TMTC2: variants seen among roughly 807,000 people sequenced by gnomAD.
TMTC2 encodes the protein protein O-mannosyl-transferase TMTC2.
Under a neutral mutation model 82.4 loss-of-function variants are expected in TMTC2, and 43 were observed. The observed-to-expected ratio is 0.52, with a 90% CI of 0.41 to 0.67. The LOEUF is 0.67. Among genes scored for constraint, TMTC2 ranks in the 30% least tolerant of loss-of-function variants. The pLI is 0.00. For synonymous variants in TMTC2, 408 were observed against 381.9 expected, an observed-to-expected ratio of 1.07 and a Z score of -0.80; for missense variants, 919 against 1,012.4, an observed-to-expected ratio of 0.91 and a Z score of 1.25.
intron 1 of TMTC2, among the ~76,000 whole-genome samples, chr12:82,784,222 A>T (rs569217212): frequency 6.6e-6 from 1 of 152,250 alleles, no homozygotes; most frequent in East Asian, 1.9e-4. Context: ...TGACAGAAAT[A>T]GAAGTTCCAG....
At position 82,986,014 on chromosome 12, in the gene TMTC2, C is replaced by T. The variant is rs1592675830; in HGVS notation, c.2038C>T (p.His680Tyr). The T allele has an allele frequency of 1.2e-6, 2 of 1,614,002 alleles. No individual in the cohort carries two copies. Among genetic ancestry groups the T allele is most frequent in the East Asian group, 2.2e-5 (1 of 44,868 alleles). ...ATCCAAGACTGACCACATCCCTGCT[C>T]ATCTCACCTATGGGAAGCTGCTAGC... Reference protein sequence around the residue: ...LRSKTDHIPAHLTYGKLLALT... With the variant: ...LRSKTDHIPAYLTYGKLLALT... The change falls in exon 8 of 12, where the codon CAT becomes TAT. Residue 680 changes from histidine (H) to tyrosine (Y), a missense_variant. Coordinates refer to ENST00000321196, the MANE Select transcript of TMTC2 (RefSeq NM_152588.3).
chr12:82,801,351 G>C (rs1305437213), intron 1 of TMTC2, among the ~76,000 whole-genome samples: 1 of 152,170 alleles, frequency 6.6e-6, no homozygotes, highest in African/African-American at 2.4e-5. Context: ...TAAAGACAGT[G>C]TGGACCCAAA....
intron 11 of TMTC2, among the ~76,000 whole-genome samples, chr12:83,085,059 G>A (rs904886708): frequency 6.6e-6 from 1 of 152,160 alleles, no homozygotes; most frequent in Admixed American, 6.5e-5. Context: ...TGTAGGGGTT[G>A]GTTGTGATTT....
intron 1 of TMTC2, among the ~76,000 whole-genome samples, chr12:82,787,143 A>G (rs1341333222): frequency 6.6e-6 from 1 of 152,040 alleles, no homozygotes; most frequent in African/African-American, 2.4e-5. Flanking sequence ...TCATATTTAT[A>G]TTTTCACTAT....
At chr12:83,034,279 A>G (rs1427169817) in intron 9 of TMTC2, among the ~76,000 whole-genome samples, 1 of 152,172 alleles carries the variant, frequency 6.6e-6, no homozygotes, top group East Asian at 1.9e-4. Context: ...TCTCTATGTT[A>G]ATCCAACTAT....
chr12:83,015,097 A>G (rs1345763378), intron 8 of TMTC2, among the ~76,000 whole-genome samples: 1 of 152,204 alleles, frequency 6.6e-6, no homozygotes, highest in African/African-American at 2.4e-5. Context: ...TTTTTATAAC[A>G]TATCAATGCT....
At chr12:83,029,740 C>G (rs112697582) in intron 8 of TMTC2, among the ~76,000 whole-genome samples, 1 of 151,924 alleles carries the variant, frequency 6.6e-6, no homozygotes, top group Non-Finnish European at 1.5e-5. Flanking sequence ...TTGTGCCATC[C>G]TTCTGTGTTA....
intron 1 of TMTC2, among the ~76,000 whole-genome samples, chr12:82,813,104 A>G (rs1196152227): frequency 6.6e-6 from 1 of 151,110 alleles, no homozygotes; most frequent in East Asian, 1.9e-4. Flanking sequence ...GTTTATCTGT[A>G]TCTCTTTCTT....
chr12:82,971,813 A>AC (rs1878460035), intron 7 of TMTC2, among the ~76,000 whole-genome samples: 1 of 151,232 alleles, frequency 6.6e-6, no homozygotes, highest in South Asian at 2.1e-4. Flanking sequence ...CTGTATGCAA[A>AC]AAAAAAAAAA....
At chr12:82,696,980 A>ATC (rs1872829738) in intron 1 of TMTC2, among the ~76,000 whole-genome samples, 1 of 150,862 alleles carries the variant, frequency 6.6e-6, no homozygotes, top group South Asian at 2.1e-4. Context: ...ATATATATAT[A>ATC]TATGTTTCTA....
intron 7 of TMTC2, among the ~76,000 whole-genome samples, chr12:82,981,942 G>T (rs974071102): frequency 1.3e-5 from 2 of 150,444 alleles, no homozygotes; most frequent in African/African-American, 4.9e-5. Flanking sequence ...GATAGTATTT[G>T]TGTAGAATGG....
At chr12:82,719,085 A>ATATATATATATAT (rs1282211374) in intron 1 of TMTC2, among the ~76,000 whole-genome samples, 2 of 41,416 alleles carry the variant, frequency 4.8e-5, no homozygotes, top group African/African-American at 2.3e-4. Context: ...ATATATATAT[A>ATATATATATATAT]TTTTTTTTTT....
At chr12:82,829,478 A>C (rs1869631277) in intron 1 of TMTC2, among the ~76,000 whole-genome samples, 1 of 152,126 alleles carries the variant, frequency 6.6e-6, no homozygotes, top group Admixed American at 6.5e-5. Flanking sequence ...AAGAGAATTT[A>C]CACCATCCAA....
intron 1 of TMTC2, among the ~76,000 whole-genome samples, chr12:82,711,230 C>T (rs929356589): frequency 3.9e-5 from 6 of 152,176 alleles, no homozygotes; most frequent in Admixed American, 1.3e-4. Flanking sequence ...GGTCAGAAGT[C>T]ACCGTCAACT....
At chr12:82,690,309 GGAACTTTTGT>G (rs1402399542) in intron 1 of TMTC2, 4 of 934,026 alleles carry the variant, frequency 4.3e-6, no homozygotes, top group Non-Finnish European at 3.8e-6. Flanking sequence ...CTGCCCTCCA[GGAACTTTTGT>G]GAAATCCAGT....
In TMTC2 at chr12:82,690,626, A is replaced by G. The variant is rs7967105; in HGVS notation, c.83+2957A>G. On this transcript the variant is annotated intron_variant, in intron 1 of 11. Transcript: ENST00000321196. ...TGCTAAATTTAAGAATATGCCTCTG[A>G]TGTGATGAAACAAACAGTGGAGGAG... 4.2e-3 allele frequency among the ~76,000 whole-genome samples: 638 copies of G among 152,280 alleles called. 1 individual carries two copies. The highest frequency in any genetic ancestry group is 0.015 in the African/African-American group (615 of 41,548).
At chr12:82,898,656 G>T (rs867814069) in intron 3 of TMTC2, among the ~76,000 whole-genome samples, 1 of 152,146 alleles carries the variant, frequency 6.6e-6, no homozygotes, top group African/African-American at 2.4e-5. Context: ...GTCCAAGATG[G>T]CTCATTATCA....
At chr12:82,833,251 C>T (rs1171653496) in intron 1 of TMTC2, among the ~76,000 whole-genome samples, 2 of 152,120 alleles carry the variant, frequency 1.3e-5, no homozygotes, top group Non-Finnish European at 2.9e-5. Context: ...ATAAAACCAG[C>T]TGGACAAACA....
chr12:82,795,050 A>G (rs1467967112), intron 1 of TMTC2, among the ~76,000 whole-genome samples: 2 of 152,092 alleles, frequency 1.3e-5, no homozygotes, highest in African/African-American at 4.8e-5. Flanking sequence ...CATGCCTGTA[A>G]TCCCAGCACT....
Sources: allele counts gnomAD v4.1 joint callset (sites outside exome capture counted in the v4.1 genomes callset), GRCh38; gene constraint gnomAD v4.1.1; transcripts MANE v1.5; gene names NCBI Gene and HGNC (gene_info 2026-07-23, HGNC 2026-07-21).